The following EPHA6 variants were observed in gnomAD, a reference collection of about 807,000 sequenced individuals.
The protein encoded by EPHA6 is EPH receptor A6, also known as ephrin type-A receptor 6.
A neutral mutation model predicts 112.0 loss-of-function variants in EPHA6; 50 were observed. That is an observed-to-expected ratio of 0.45 (90% CI 0.36 to 0.56). EPHA6 has a LOEUF of 0.56. Ranked by LOEUF, EPHA6 falls within the 20% of genes least tolerant of loss-of-function variation. The probability of loss-of-function intolerance (pLI) is 0.00; values close to 1 mark genes in which losing one functional copy is unlikely to be tolerated. For missense variants in EPHA6, 1,280 were observed against 1,417.4 expected, an observed-to-expected ratio of 0.90 and a Z score of 1.56; for synonymous variants, 529 against 490.7, an observed-to-expected ratio of 1.08 and a Z score of -1.03.
chr3:97,634,644 C>A (rs2093930894), intron 13 of EPHA6, among the ~76,000 whole-genome samples: 1 of 152,082 alleles, frequency 6.6e-6, no homozygotes, highest in Admixed American at 6.6e-5. Flanking sequence ...AAAGCTACCT[C>A]ACCCAAGGCC....
intron 5 of EPHA6, among the ~76,000 whole-genome samples, chr3:97,301,216 C>A (rs2081078055): frequency 6.6e-6 from 1 of 152,078 alleles, no homozygotes. Flanking sequence ...CACATTTTAA[C>A]TTCAAATATT....
At chr3:96,850,489 G>T (rs2035319989) in intron 1 of EPHA6, among the ~76,000 whole-genome samples, 1 of 152,116 alleles carries the variant, frequency 6.6e-6, no homozygotes, top group African/African-American at 2.4e-5. Context: ...GGAAGAAGTT[G>T]AAAATGACTA....
intron 3 of EPHA6, among the ~76,000 whole-genome samples, chr3:97,059,408 A>G (rs1399513057): frequency 1.3e-5 from 2 of 152,176 alleles, no homozygotes; most frequent in African/African-American, 4.8e-5. Context: ...TTACGATTTG[A>G]TAAGTGTAAC....
At chr3:97,195,815 T>C (rs2077426451) in intron 3 of EPHA6, among the ~76,000 whole-genome samples, 1 of 152,130 alleles carries the variant, frequency 6.6e-6, no homozygotes, top group Admixed American at 6.6e-5. Flanking sequence ...TGGCAGTCTC[T>C]CTTGGCCTGT....
rs369328246 is a variant in EPHA6, at chr3:97,305,553, A to G, written c.1606+61266A>G. ...TATGCAGCCATAAAAAGGAATGATA[A>G]CATGTCCTTTGCAAGGACATAGATG... On this transcript the variant is annotated intron_variant, in intron 5 of 17. Coordinates refer to ENST00000389672, the MANE Select transcript of EPHA6 (RefSeq NM_001080448.3). Among the ~76,000 whole-genome samples, 6 of 152,006 alleles carry G rather than the reference A, an allele frequency of 3.9e-5. 1 individual carries two copies. Among genetic ancestry groups the G allele is most frequent in the African/African-American group, 1.4e-4 (6 of 41,512 alleles).
At chr3:96,943,658 T>C (rs1478759473) in intron 2 of EPHA6, among the ~76,000 whole-genome samples, 1 of 152,146 alleles carries the variant, frequency 6.6e-6, no homozygotes, top group Non-Finnish European at 1.5e-5. Context: ...ATAAAGTAAA[T>C]AATAATGTAG....
At chr3:97,035,439 ATTC>A (rs1422281631) in intron 3 of EPHA6, among the ~76,000 whole-genome samples, 1 of 151,838 alleles carries the variant, frequency 6.6e-6, no homozygotes, top group Admixed American at 6.6e-5. Flanking sequence ...CCCTCTTATC[ATTC>A]TTCTTTTTTT....
At chr3:97,215,676 A>T (rs1348479516) in intron 3 of EPHA6, among the ~76,000 whole-genome samples, 3 of 151,918 alleles carry the variant, frequency 2.0e-5, no homozygotes, top group Non-Finnish European at 4.4e-5. Context: ...GTTTGCCTTT[A>T]ATATATGTCT....
At chr3:97,683,795 G>A (rs75355167) in intron 14 of EPHA6, among the ~76,000 whole-genome samples, 1,724 of 152,112 alleles carry the variant, frequency 0.011, 18 homozygotes, top group Non-Finnish European at 0.018. Flanking sequence ...CAAGATGACC[G>A]TTGCATTTCT....
Position 97,546,361 on chromosome 3 carries a change from A to G in EPHA6, c.2386+13818A>G, listed in dbSNP as rs541494135. Reference sequence around the variant, plus strand: ...CTGGATATGAAATTCTGGGTTGAAAATTCTTTTCTTTAAGAATGTTGAATA... The same window carrying G: ...CTGGATATGAAATTCTGGGTTGAAAGTTCTTTTCTTTAAGAATGTTGAATA... On this transcript the variant is annotated intron_variant, in intron 11 of 17. Coordinates refer to ENST00000389672, the MANE Select transcript of EPHA6 (RefSeq NM_001080448.3). Among the ~76,000 whole-genome samples the G allele has an allele frequency of 1.2e-3, 187 of 152,228 alleles. 1 individual carries two copies. The highest frequency in any genetic ancestry group is 4.3e-3 in the African/African-American group (178 of 41,528).
At chr3:97,584,073 A>C (rs1385848046) in intron 11 of EPHA6, among the ~76,000 whole-genome samples, 1 of 152,186 alleles carries the variant, frequency 6.6e-6, no homozygotes, top group Non-Finnish European at 1.5e-5. Flanking sequence ...ATAATTATAT[A>C]TATTTTTGAT....
At chr3:97,180,159 T>A (rs1037451340) in intron 3 of EPHA6, among the ~76,000 whole-genome samples, 14 of 151,990 alleles carry the variant, frequency 9.2e-5, no homozygotes, top group Non-Finnish European at 4.4e-5. Flanking sequence ...GGAGCGTTCG[T>A]TTGTAGCCAC....
chr3:96,855,180 A>C (rs2035620971), intron 1 of EPHA6, among the ~76,000 whole-genome samples: 2 of 152,080 alleles, frequency 1.3e-5, no homozygotes, highest in Admixed American at 1.3e-4. Flanking sequence ...ACTTTTAAGG[A>C]CCTTTGTTAT....
chr3:97,602,336 G>A (rs2093649803), intron 12 of EPHA6, among the ~76,000 whole-genome samples: 1 of 151,916 alleles, frequency 6.6e-6, no homozygotes. Context: ...AGCTTTGTAG[G>A]CCTTTAAAAT....
chr3:97,645,137 C>A (rs1012455641), intron 14 of EPHA6, among the ~76,000 whole-genome samples: 6 of 151,970 alleles, frequency 3.9e-5, no homozygotes, highest in African/African-American at 1.5e-4. Flanking sequence ...ACTAGAAATA[C>A]CATTTGACCC....
chr3:96,836,914 A>G lies in EPHA6; in HGVS notation c.385+21906A>G, dbSNP rs537283378. Among the ~76,000 whole-genome samples the G allele has an allele frequency of 1.2e-3, 180 of 152,306 alleles. 1 individual carries two copies. The highest frequency in any genetic ancestry group is 3.8e-3 in the African/African-American group (157 of 41,578). On this transcript the variant is annotated intron_variant, in intron 1 of 17. Transcript: ENST00000389672. ...ACACTTAATCCTCCTTTCACCCCCT[A>G]TGAGGTAGATACCATTATTATTCCC...
intron 6 of EPHA6, chr3:97,447,860 T>C (rs2090402157): frequency 1.6e-5 from 14 of 861,760 alleles, no homozygotes; most frequent in Non-Finnish European, 1.8e-5. Context: ...TTTCTGTGTT[T>C]CCAGTGCTTC....
intron 3 of EPHA6, among the ~76,000 whole-genome samples, chr3:97,073,832 A>G (rs570625695): frequency 6.6e-6 from 1 of 152,162 alleles, no homozygotes; most frequent in South Asian, 2.1e-4. Context: ...TTAAAACTTT[A>G]AATTATTGTT....
chr3:97,177,404 G>A (rs1018719991), intron 3 of EPHA6, among the ~76,000 whole-genome samples: 2 of 151,768 alleles, frequency 1.3e-5, no homozygotes, highest in Non-Finnish European at 2.9e-5. Context: ...TGATCTATAG[G>A]GCAGATTAAG....
Sources: gnomAD v4.1 joint callset for allele counts (sites outside exome capture counted in the v4.1 genomes callset) on GRCh38, gnomAD v4.1.1 for gene constraint, MANE v1.5 for transcripts, NCBI Gene and HGNC (gene_info 2026-07-23, HGNC 2026-07-21) for gene names.